The following VWA3B variants were observed in gnomAD, a reference collection of about 807,000 sequenced individuals.
VWA3B encodes the protein von Willebrand factor A domain containing 3B.
A neutral mutation model predicts 158.3 loss-of-function variants in VWA3B; 138 were observed. The ratio of observed to expected loss-of-function variants is 0.87; its 90% CI spans 0.76 to 1.00. The LOEUF is 1.00. VWA3B is among the 50% of genes least tolerant of loss of function. VWA3B has a pLI of 0.00. For synonymous variants in VWA3B, 596 were observed against 587.3 expected (o/e 1.01, Z -0.21); for missense variants, 1,555 against 1,565.1 (o/e 0.99, Z 0.11).
chr2:98,159,405 C>T (rs1165849806), intron 7 of VWA3B, among the ~76,000 whole-genome samples: 1 of 152,108 alleles, frequency 6.6e-6, no homozygotes, highest in Non-Finnish European at 1.5e-5. Context: ...CCTGCCACCA[C>T]ACCCGGCTCA....
At chr2:98,104,275 G>A (rs1452664097) in intron 2 of VWA3B, among the ~76,000 whole-genome samples, 1 of 152,132 alleles carries the variant, frequency 6.6e-6, no homozygotes, top group Non-Finnish European at 1.5e-5. Flanking sequence ...TGTTTATTTG[G>A]CTGATGGTTC....
intron 26 of VWA3B, among the ~76,000 whole-genome samples, 166 bp downstream of exon 26, chr2:98,303,968 C>T (rs1690359463): frequency 1.3e-5 from 2 of 152,240 alleles, no homozygotes; most frequent in African/African-American, 4.8e-5. Flanking sequence ...TTCGACGTCA[C>T]ACCTTTCACC....
At chr2:98,126,206 GT>G (rs1220328521) in intron 5 of VWA3B, among the ~76,000 whole-genome samples, 1 of 152,214 alleles carries the variant, frequency 6.6e-6, no homozygotes, top group Non-Finnish European at 1.5e-5. Context: ...GCAATTTTCA[GT>G]TTGATGAAAT....
the VWA3B span, among the ~76,000 whole-genome samples, chr2:98,329,781 C>A: frequency 1.3e-5 from 2 of 152,032 alleles, no homozygotes; most frequent in Non-Finnish European, 2.9e-5. Flanking sequence ...CTCAATCAGT[C>A]GAAAGGCCTT....
At chr2:98,176,442 TCTCCCTCC>T (rs374759885) in intron 8 of VWA3B, among the ~76,000 whole-genome samples, 5 of 147,846 alleles carry the variant, frequency 3.4e-5, no homozygotes, top group Non-Finnish European at 7.5e-5. Flanking sequence ...ATACCAAACA[TCTCCCTCC>T]CTCCCTCCCT....
intron 26 of VWA3B, among the ~76,000 whole-genome samples, chr2:98,305,384 G>A (rs542596066): frequency 1.3e-5 from 2 of 152,260 alleles, no homozygotes; most frequent in African/African-American, 4.8e-5. Flanking sequence ...TTGGAACCAA[G>A]ATTGGGTTTA....
intron 7 of VWA3B, among the ~76,000 whole-genome samples, chr2:98,142,997 T>C (rs2105113398): frequency 6.6e-6 from 1 of 152,280 alleles, no homozygotes; most frequent in East Asian, 1.9e-4. Context: ...ATTTAGAGGA[T>C]AAATCAAAAC....
chr2:98,172,695 G>T (rs957536365), intron 8 of VWA3B, among the ~76,000 whole-genome samples: 4 of 152,164 alleles, frequency 2.6e-5, no homozygotes, highest in South Asian at 2.1e-4. Context: ...GGAGATGGAG[G>T]TGTCAAAAGT....
chr2:98,295,260 G>A (rs1194108056), intron 23 of VWA3B, among the ~76,000 whole-genome samples: 2 of 152,130 alleles, frequency 1.3e-5, no homozygotes, highest in Admixed American at 1.3e-4. Context: ...AATTTAAGCC[G>A]GGCTTTGTAT....
chr2:98,127,441 G>A (rs1468664499), intron 5 of VWA3B, among the ~76,000 whole-genome samples: 1 of 152,178 alleles, frequency 6.6e-6, no homozygotes, highest in Non-Finnish European at 1.5e-5. Flanking sequence ...TGGCCGGGCT[G>A]CAGCAGAGCA....
At chr2:98,137,660 G>C (rs1448061228) in intron 7 of VWA3B, among the ~76,000 whole-genome samples, 1 of 152,098 alleles carries the variant, frequency 6.6e-6, no homozygotes. Flanking sequence ...CAATTAAAAA[G>C]TGTATTAATA....
intron 22 of VWA3B, among the ~76,000 whole-genome samples, chr2:98,289,041 G>T (rs17428318): frequency 0.039 from 5,926 of 152,248 alleles, 167 homozygotes; most frequent in Middle Eastern, 0.075. Flanking sequence ...TCAATACTGG[G>T]ACAAGTCACA....
intron 7 of VWA3B, among the ~76,000 whole-genome samples, chr2:98,158,683 G>A (rs184724160): frequency 1.8e-3 from 246 of 136,528 alleles, no homozygotes; most frequent in African/African-American, 6.7e-3. Flanking sequence ...ACTGAGAAGG[G>A]GGAGTAGGAG....
Position 98,228,237 on chromosome 2 carries a change from A to G in VWA3B, c.2055A>G (p.Glu685=). Residue 685 remains glutamate, a synonymous_variant, in exon 15 of 28, where the codon GAA becomes GAG. Coordinates refer to ENST00000477737, the MANE Select transcript of VWA3B (RefSeq NM_144992.5). ...TGACTCTTTTAGTTAAGGAAATGGA[A>G]CAGGGTCACAGTGATCTGGAGAAGA... ...EDLTLLVKEM[E]QGHSDLEKMQ... 2 of 1,613,894 alleles carry G rather than the reference A, an allele frequency of 1.2e-6. No homozygotes were observed.
At chr2:98,271,489 A>T (rs1212668621) in intron 22 of VWA3B, among the ~76,000 whole-genome samples, 1 of 152,152 alleles carries the variant, frequency 6.6e-6, no homozygotes, top group Non-Finnish European at 1.5e-5. Context: ...ACATAGGTGC[A>T]ATCAGAGTGT....
intron 16 of VWA3B, among the ~76,000 whole-genome samples, chr2:98,233,285 G>A (rs1288856678): frequency 2.0e-5 from 3 of 152,316 alleles, no homozygotes; most frequent in Non-Finnish European, 2.9e-5. Flanking sequence ...GTGGTGAAAT[G>A]CCATGACTGA....
chr2:98,231,459 TATACC>T (rs1685328929), intron 16 of VWA3B, among the ~76,000 whole-genome samples: 3 of 152,142 alleles, frequency 2.0e-5, no homozygotes, highest in Non-Finnish European at 2.9e-5. Context: ...TCCACACAAA[TATACC>T]CAAATGATTT....
At chr2:98,274,277 C>T (rs750493560) in intron 22 of VWA3B, among the ~76,000 whole-genome samples, 1 of 152,340 alleles carries the variant, frequency 6.6e-6, no homozygotes, top group East Asian at 1.9e-4. Context: ...TTATTTGTAG[C>T]TGTGTCCATG....
At chr2:98,238,579 G>GA (rs1046224736) in intron 19 of VWA3B, among the ~76,000 whole-genome samples, 23 of 151,872 alleles carry the variant, frequency 1.5e-4, no homozygotes, top group Non-Finnish European at 3.4e-4. Flanking sequence ...TAAATTTCTT[G>GA]AAAAAAATAT....
Sources: gnomAD v4.1 joint callset for allele counts (sites outside exome capture counted in the v4.1 genomes callset) on GRCh38, gnomAD v4.1.1 for gene constraint, MANE v1.5 for transcripts, NCBI Gene and HGNC (gene_info 2026-07-23, HGNC 2026-07-21) for gene names.